HROB: variants seen among roughly 807,000 people sequenced by gnomAD.
HROB encodes homologous recombination OB-fold protein.
A neutral mutation model predicts 61.0 loss-of-function variants in HROB; 44 were observed. The observed-to-expected ratio is 0.72, with a 90% confidence interval of 0.57 to 0.93. The LOEUF (loss-of-function observed/expected upper bound fraction) is 0.93, where lower values mean the gene tolerates loss of function less well. Among genes scored for constraint, HROB ranks in the 40% least tolerant of loss-of-function variants. HROB has a pLI of 0.00. For missense variants in HROB, 716 were observed against 796.2 expected (o/e 0.90, Z 1.21); for synonymous variants, 301 against 310.4 (o/e 0.97, Z 0.32).
chr17:44,151,932 C>T (rs1456312176), intron 4 of HROB, among the ~76,000 whole-genome samples: 4 of 151,918 alleles, frequency 2.6e-5, no homozygotes, highest in East Asian at 1.9e-4. Context: ...CTGCAACCTC[C>T]GCCTCCTGGG....
chr17:44,142,003 A>T lies in HROB; in HGVS notation c.-140A>T, dbSNP rs983893670. 5 of 1,214,414 alleles carry T rather than the reference A, an allele frequency of 4.1e-6. No individual in the cohort carries two copies. Among genetic ancestry groups the T allele is most frequent in the Non-Finnish European group, 5.6e-6 (5 of 885,368 alleles). 75.2% of individuals were successfully genotyped at this position (1,214,414 alleles called of 1,614,324 possible). On this transcript the variant is annotated 5_prime_UTR_variant, in exon 1 of 10. Coordinates refer to ENST00000585683, the MANE Select transcript of HROB (RefSeq NM_001171251.3). ...TGGCGACTTTCCCTATATCGCAGAGACTCATCCCTCTGACCCCAGCCCGGA... is the reference window on the plus strand; with the variant it reads ...TGGCGACTTTCCCTATATCGCAGAGTCTCATCCCTCTGACCCCAGCCCGGA...
chr17:44,154,541 T>C lies in HROB; in HGVS notation c.1450-15T>C. ...GGCCGTGGAAGGCTCAGCATATGCC[T>C]CTCCTTGTAAGCAGGCAGCCCTGAA... On this transcript the variant is annotated splice_polypyrimidine_tract_variant and intron_variant, in intron 5 of 9. Transcript: ENST00000585683. The C allele has an allele frequency of 6.2e-7, 1 of 1,613,766 alleles. No individual in the cohort carries two copies. Among genetic ancestry groups the C allele is most frequent in the East Asian group, 2.2e-5 (1 of 44,886 alleles).
intron 2 of HROB, among the ~76,000 whole-genome samples, chr17:44,147,172 G>A (rs1313309192): frequency 6.6e-6 from 1 of 152,062 alleles, no homozygotes; most frequent in Non-Finnish European, 1.5e-5. Flanking sequence ...CCAGAAAGTG[G>A]TCTCCTTGAG....
chr17:44,149,785 C>G (rs922990866), intron 3 of HROB, among the ~76,000 whole-genome samples: 3 of 152,208 alleles, frequency 2.0e-5, no homozygotes, highest in Non-Finnish European at 4.4e-5. Context: ...GAAACAGTTC[C>G]TGTCCTAAAG....
intron 9 of HROB, among the ~76,000 whole-genome samples, chr17:44,161,503 T>C (rs1567726095): frequency 6.6e-6 from 1 of 152,190 alleles, no homozygotes; most frequent in Non-Finnish European, 1.5e-5. Context: ...TCTGATGGCT[T>C]TTCCCAGCCC....
intron 8 of HROB, among the ~76,000 whole-genome samples, chr17:44,156,288 T>C (rs1350415666): frequency 6.6e-6 from 1 of 152,044 alleles, no homozygotes; most frequent in Non-Finnish European, 1.5e-5. Context: ...CAGGCCAGAG[T>C]GCAGTGGCGT....
chr17:44,147,368 G>A, intron 2 of HROB, among the ~76,000 whole-genome samples: 1 of 151,978 alleles, frequency 6.6e-6, no homozygotes, highest in Non-Finnish European at 1.5e-5. Context: ...CATGGGTGAG[G>A]TCAGAGGTGG....
Position 44,149,529 on chromosome 17 carries a change from G to A in HROB, c.1224+502G>A, listed in dbSNP as rs774097234. Among the ~76,000 whole-genome samples the A allele has an allele frequency of 5.9e-5, 9 of 152,290 alleles. 1 individual carries two copies. Among genetic ancestry groups the A allele is most frequent in the South Asian group, 2.1e-4 (1 of 4,826 alleles). ...CTCCCAAAGTGCTGGGATTATAGGC[G>A]TGAGCCACCACGCCTGACCCTCTTT... is the stretch of plus-strand genomic sequence containing the variant. On this transcript the variant is annotated intron_variant, in intron 3 of 9. Coordinates refer to ENST00000585683, the MANE Select transcript of HROB (RefSeq NM_001171251.3).
chr17:44,152,437 AAAG>A (rs2053842100), intron 4 of HROB, among the ~76,000 whole-genome samples, 197 bp from the exon 5 acceptor site: 1 of 152,138 alleles, frequency 6.6e-6, no homozygotes, highest in African/African-American at 2.4e-5. Context: ...GAAAAAAAAA[AAAG>A]AAAAAGAGAA....
At chr17:44,156,311 A>G (rs1044890062) in intron 8 of HROB, among the ~76,000 whole-genome samples, 18 of 150,794 alleles carry the variant, frequency 1.2e-4, no homozygotes, top group Non-Finnish European at 2.4e-4. Context: ...CCTTGGCTCA[A>G]TGCAACCTCT....
intron 2 of HROB, among the ~76,000 whole-genome samples, chr17:44,146,702 A>G (rs573754856): frequency 2.6e-5 from 4 of 151,330 alleles, no homozygotes; most frequent in Non-Finnish European, 5.9e-5. Context: ...TATTATTATT[A>G]TTGTTGAGTC....
At chr17:44,154,052 T>TA (rs1006468451) in intron 5 of HROB, among the ~76,000 whole-genome samples, 3 of 138,412 alleles carry the variant, frequency 2.2e-5, no homozygotes, top group African/African-American at 8.2e-5. Context: ...ATCTCAAAAA[T>TA]AAAAAAATAG....
intron 9 of HROB, among the ~76,000 whole-genome samples, chr17:44,160,834 C>T (rs552158733): frequency 2.0e-5 from 3 of 152,314 alleles, no homozygotes; most frequent in Admixed American, 2.0e-4. Flanking sequence ...TGGAAGCCTG[C>T]ACTCTTTCTT....
At chr17:44,154,407 TG>T in intron 5 of HROB, 148 bp from the exon 6 acceptor site, 1 of 671,090 alleles carries the variant, frequency 1.5e-6, no homozygotes, top group Non-Finnish European at 2.6e-6. Flanking sequence ...CAGAGAGAGA[TG>T]GGGTACCTCC....
rs202062270 is a variant in HROB at position 44,161,917 on chromosome 17, T to A, written c.1926T>A (p.Cys642Ter). Residue 642 changes from cysteine (C) to a stop codon, truncating the protein, a stop_gained, in exon 10 of 10, where the codon TGT (cysteine) becomes TGA (stop). Transcript: ENST00000585683. LOFTEE classifies it high-confidence loss of function. ...GTGAGCTTCCTGAAGACTTCTTCTG[T>A]GGGACCAGTAGTTGAGACTGCCCCA... ...LLSELPEDFF[C>*]GTSS 1 of 1,614,186 alleles carries A rather than the reference T, an allele frequency of 6.2e-7. No individual in the cohort carries two copies. Among genetic ancestry groups the A allele is most frequent in the East Asian group, 2.2e-5 (1 of 44,888 alleles).
chr17:44,155,195 C>T, intron 7 of HROB, 91 bp from the exon 8 acceptor site: 3 of 1,561,188 alleles, frequency 1.9e-6, no homozygotes, highest in Non-Finnish European at 8.7e-7. Context: ...AGGCAGAGGA[C>T]ACCAAGTGAA....
intron 4 of HROB, among the ~76,000 whole-genome samples, chr17:44,151,774 C>A (rs973676425): frequency 2.0e-5 from 3 of 152,112 alleles, no homozygotes; most frequent in Admixed American, 1.3e-4. Context: ...TAGCCTTCTG[C>A]TTCAATGCAG....
chr17:44,155,021 C>T, intron 7 of HROB, 83 bp downstream of exon 7: 1 of 1,487,732 alleles, frequency 6.7e-7, no homozygotes. Context: ...CTGCCTTCCT[C>T]TACAACACCA....
In HROB at chr17:44,148,193, G is replaced by T; in HGVS notation, c.390G>T (p.Gln130His). 6.2e-7 allele frequency: 1 copy of T among 1,614,058 alleles called. No homozygotes were observed. The highest frequency in any genetic ancestry group is 8.5e-7 in the Non-Finnish European group (1 of 1,180,038). Residue 130 changes from glutamine to histidine, a missense_variant, in exon 3 of 10, where the codon CAG (glutamine) becomes CAT (histidine). Gln to His is a conservative substitution (Grantham distance 24). Transcript: ENST00000585683. ...TEVLRETARP[Q>H]SSALHPLLTF... is the part of the protein sequence containing the mutation. ...TGCTCAGAGAGACAGCAAGACCTCA[G>T]TCCTCAGCCTTACACCCCCTACTCA...
Sources: allele counts gnomAD v4.1 joint callset (sites outside exome capture counted in the v4.1 genomes callset), GRCh38; gene constraint gnomAD v4.1.1; transcripts MANE v1.5; gene names NCBI Gene and HGNC (gene_info 2026-07-23, HGNC 2026-07-21).